The following OSBPL10 variants were observed in gnomAD, a reference collection of about 807,000 sequenced individuals.
The protein encoded by OSBPL10 is oxysterol-binding protein-related protein 10.
Under a neutral mutation model 81.7 loss-of-function variants are expected in OSBPL10, and 49 were observed. The observed-to-expected ratio is 0.60, with a 90% CI of 0.48 to 0.76. The LOEUF is 0.76. Among genes scored for constraint, OSBPL10 ranks in the 30% least tolerant of loss-of-function variants. The pLI is 0.00. For synonymous variants in OSBPL10, 419 were observed against 383.6 expected (o/e 1.09, Z -1.08); for missense variants, 923 against 987.8 (o/e 0.93, Z 0.88).
chr3:31,858,990 C>G (rs1700996953), intron 3 of OSBPL10, among the ~76,000 whole-genome samples: 1 of 152,176 alleles, frequency 6.6e-6, no homozygotes. Flanking sequence ...AATATTGTGA[C>G]ATGCTTAATA....
intron 1 of OSBPL10, among the ~76,000 whole-genome samples, chr3:31,921,112 G>A (rs774606179): frequency 1.3e-5 from 2 of 152,134 alleles, no homozygotes; most frequent in Non-Finnish European, 2.9e-5. Context: ...TGTGCTAATA[G>A]GCTAGGGTTC....
At chr3:31,937,794 T>C (rs563595940) in intron 1 of OSBPL10, among the ~76,000 whole-genome samples, 37 of 152,328 alleles carry the variant, frequency 2.4e-4, no homozygotes, top group African/African-American at 8.9e-4. Context: ...CTGTTTCCAA[T>C]ATAAGACTCC....
At chr3:31,877,498 A>G (rs576731075) in intron 2 of OSBPL10, among the ~76,000 whole-genome samples, 1 of 152,304 alleles carries the variant, frequency 6.6e-6, no homozygotes, top group South Asian at 2.1e-4. Context: ...AACAGGTTCT[A>G]ATGAAATCTA....
Position 31,662,031 on chromosome 3 carries a change from A to G in OSBPL10, c.*41T>C. The G allele has an allele frequency of 3.1e-6, 5 of 1,607,458 alleles. No individual in the cohort carries two copies. Among genetic ancestry groups the G allele is most frequent in the Non-Finnish European group, 4.2e-6 (5 of 1,177,598 alleles). ...TACTCTACTACTTTAATATTCCTACAAAAACAGGGCTATACTGGAAAGCTC... is the reference window on the plus strand; with the variant it reads ...TACTCTACTACTTTAATATTCCTACGAAAACAGGGCTATACTGGAAAGCTC... On this transcript the variant is annotated 3_prime_UTR_variant, in exon 12 of 12. Transcript: ENST00000396556.
chr3:32,000,182 T>C (rs1409474564), intron 2 of OSBPL10, among the ~76,000 whole-genome samples: 1 of 152,216 alleles, frequency 6.6e-6, no homozygotes. Flanking sequence ...CTGGGTTTTA[T>C]ACAAGTATAA....
Position 31,663,041 on chromosome 3 carries a change from C to T in OSBPL10, c.2251-925G>A, listed in dbSNP as rs1251229922. The T allele has an allele frequency of 4.1e-6, 4 of 984,124 alleles. No homozygotes were observed. In the African/African-American group the frequency reaches 7.1e-5, roughly 18 times the overall value. 61.0% of individuals were successfully genotyped at this position (984,124 alleles called of 1,614,324 possible). On this transcript the variant is annotated intron_variant, in intron 11 of 11. Transcript: ENST00000396556. ...ACTCTGGGGAGAACAGTGGTGGCTT[C>T]CTGCTCTTCCTGCTCTTAACCATGA...
chr3:31,693,875 C>T (rs1306375069), intron 7 of OSBPL10, among the ~76,000 whole-genome samples: 1 of 152,172 alleles, frequency 6.6e-6, no homozygotes, highest in Non-Finnish European at 1.5e-5. Flanking sequence ...TTAAGTGATC[C>T]TCCTGCCTCA....
intron 6 of OSBPL10, among the ~76,000 whole-genome samples, chr3:31,718,507 T>C (rs1028541326): frequency 1.3e-5 from 2 of 152,178 alleles, no homozygotes; most frequent in Admixed American, 6.5e-5. Flanking sequence ...AGAGAATTTG[T>C]CAATTTAGAG....
chr3:31,729,578 G>A (rs1453169756), intron 6 of OSBPL10, among the ~76,000 whole-genome samples: 6 of 152,176 alleles, frequency 3.9e-5, no homozygotes, highest in East Asian at 1.9e-4. Context: ...ACGCCACCAC[G>A]CCCAGCTCAT....
At chr3:31,812,483 A>T (rs1417831141) in intron 4 of OSBPL10, among the ~76,000 whole-genome samples, 2 of 152,108 alleles carry the variant, frequency 1.3e-5, no homozygotes, top group African/African-American at 2.4e-5. Flanking sequence ...GTGATATCTC[A>T]CAAGTTGATC....
rs551712317 is a variant in OSBPL10, at chr3:31,937,340, C to T, written c.281+43559G>A. Among the ~76,000 whole-genome samples, 5 of 152,062 alleles carry T rather than the reference C, an allele frequency of 3.3e-5. No individual in the cohort carries two copies. The East Asian group carries it at 9.7e-4, about 29-fold the overall frequency. ...GAAACACTCAAATGTCATAAAGAGC[C>T]TTTTCTTGCCAACTCTTGGTTATAT... On this transcript the variant is annotated intron_variant, in intron 1 of 11. Transcript: ENST00000396556.
chr3:31,858,616 C>T (rs1026505373), intron 3 of OSBPL10, among the ~76,000 whole-genome samples: 1 of 152,184 alleles, frequency 6.6e-6, no homozygotes, highest in African/African-American at 2.4e-5. Context: ...GAATAACTTG[C>T]CCCAGGTGGC....
intron 4 of OSBPL10, among the ~76,000 whole-genome samples, chr3:31,756,928 G>A (rs1254568580): frequency 4.6e-5 from 7 of 152,178 alleles, no homozygotes; most frequent in African/African-American, 4.8e-5. Context: ...AAACTCCTGC[G>A]TTAGCTAACA....
At chr3:31,807,374 A>AAAATAAATAAATAAATAAATAAAT (rs536299438) in intron 4 of OSBPL10, among the ~76,000 whole-genome samples, 44 of 137,330 alleles carry the variant, frequency 3.2e-4, no homozygotes, top group Non-Finnish European at 5.2e-4. Flanking sequence ...CTGTCTCAGA[A>AAAATAAATAAATAAATAAATAAAT]AAATAAATAA....
chr3:32,074,757 G>C (rs557550034), intron 1 of OSBPL10, among the ~76,000 whole-genome samples: 21 of 152,320 alleles, frequency 1.4e-4, no homozygotes, highest in African/African-American at 5.1e-4. Context: ...ATTACAATCT[G>C]TAACAGCTGC....
intron 4 of OSBPL10, among the ~76,000 whole-genome samples, chr3:31,815,425 A>C (rs1238483673): frequency 1.3e-5 from 2 of 152,268 alleles, no homozygotes; most frequent in African/African-American, 4.8e-5. Flanking sequence ...CCTTTAATAT[A>C]AAAGTAGAAG....
intron 4 of OSBPL10, among the ~76,000 whole-genome samples, chr3:31,798,665 C>G (rs1369651807): frequency 6.6e-6 from 1 of 151,938 alleles, no homozygotes; most frequent in Non-Finnish European, 1.5e-5. Flanking sequence ...TGGACCATGC[C>G]AACATAATCT....
At chr3:31,852,770 G>C (rs1429706941) in intron 3 of OSBPL10, among the ~76,000 whole-genome samples, 1 of 151,988 alleles carries the variant, frequency 6.6e-6, no homozygotes, top group Non-Finnish European at 1.5e-5. Context: ...GTAGCGACGG[G>C]GTTTCACCAT....
intron 5 of OSBPL10, among the ~76,000 whole-genome samples, chr3:31,745,252 G>A (rs770629216): frequency 6.6e-6 from 1 of 152,162 alleles, no homozygotes; most frequent in East Asian, 1.9e-4. Context: ...TACTGATTTC[G>A]ATCACTGTGC....
Sources: allele counts gnomAD v4.1 joint callset (sites outside exome capture counted in the v4.1 genomes callset), GRCh38; gene constraint gnomAD v4.1.1; transcripts MANE v1.5; gene names NCBI Gene and HGNC (gene_info 2026-07-23, HGNC 2026-07-21).